The following PDE4B variants were observed in gnomAD, a reference collection of about 807,000 sequenced individuals.
PDE4B encodes the protein phosphodiesterase 4B.
In PDE4B, 20 loss-of-function variants were observed where a neutral mutation model predicts 82.2. That is an observed-to-expected ratio of 0.24 (90% confidence interval 0.17 to 0.35). The LOEUF is 0.35. Ranked by LOEUF, PDE4B falls within the 10% of genes least tolerant of loss-of-function variation. PDE4B has a pLI of 1.00. For synonymous variants in PDE4B, 320 were observed against 318.9 expected, an observed-to-expected ratio of 1.00 and a Z score of -0.04; for missense variants, 655 against 907.2, an observed-to-expected ratio of 0.72 and a Z score of 3.57.
At chr1:65,975,666 C>A (rs1650366632) in intron 3 of PDE4B, among the ~76,000 whole-genome samples, 1 of 152,156 alleles carries the variant, frequency 6.6e-6, no homozygotes, top group Non-Finnish European at 1.5e-5. Flanking sequence ...CTGTTGCTGT[C>A]TGTAGCCTTG....
chr1:66,222,703 A>C (rs1340835523), intron 3 of PDE4B, among the ~76,000 whole-genome samples: 1 of 152,216 alleles, frequency 6.6e-6, no homozygotes, highest in Non-Finnish European at 1.5e-5. Flanking sequence ...TAATATTATA[A>C]AACCTATCTT....
chr1:66,087,892 T>G (rs1644919153), intron 3 of PDE4B, among the ~76,000 whole-genome samples: 1 of 135,544 alleles, frequency 7.4e-6, no homozygotes, highest in Admixed American at 7.3e-5. Flanking sequence ...GGGGGAGGGA[T>G]AGCATTGGGA....
intron 1 of PDE4B, among the ~76,000 whole-genome samples, chr1:65,811,273 T>C (rs1355708307): frequency 6.6e-6 from 1 of 152,234 alleles, no homozygotes; most frequent in South Asian, 2.1e-4. Flanking sequence ...AGGGCTCAAA[T>C]TGAAGGCTTA....
intron 3 of PDE4B, among the ~76,000 whole-genome samples, chr1:66,202,866 A>T (rs1422384822): frequency 6.6e-6 from 1 of 151,608 alleles, no homozygotes; most frequent in Non-Finnish European, 1.5e-5. Context: ...TAATATTGTT[A>T]TGTGTGAATT....
At position 66,361,795 on chromosome 1, in the gene PDE4B, T is replaced by G; in HGVS notation, c.1020+2T>G. 6.2e-7 allele frequency: 1 copy of G among 1,609,956 alleles called. No homozygotes were observed. Among genetic ancestry groups the G allele is most frequent in the Non-Finnish European group, 8.5e-7 (1 of 1,177,512 alleles). On this transcript the variant is annotated splice_donor_variant, in intron 10 of 16. Transcript: ENST00000341517. LOFTEE classifies it high-confidence loss of function. ...GAAAATGAAGATCACCTGGCCAAGG[T>G]GTGTATAAGCTCAGGTTTTGTGCAT...
intron 3 of PDE4B, among the ~76,000 whole-genome samples, chr1:66,235,574 C>G (rs1652343758): frequency 6.6e-6 from 1 of 151,676 alleles, no homozygotes; most frequent in African/African-American, 2.4e-5. Context: ...TCCTTTTAAC[C>G]TATTTGTGTC....
At chr1:66,069,985 A>C (rs1177163361) in intron 3 of PDE4B, among the ~76,000 whole-genome samples, 1 of 152,022 alleles carries the variant, frequency 6.6e-6, no homozygotes, top group African/African-American at 2.4e-5. Context: ...AAGTGTGTGC[A>C]TGTGCATGTG....
chr1:66,000,464 C>A (rs746424111), intron 3 of PDE4B, among the ~76,000 whole-genome samples: 1 of 152,172 alleles, frequency 6.6e-6, no homozygotes, highest in Non-Finnish European at 1.5e-5. Flanking sequence ...AACCCTTGTA[C>A]TCTAGAAAAG....
chr1:65,907,592 T>A (rs1463158138), intron 1 of PDE4B, among the ~76,000 whole-genome samples: 4 of 152,120 alleles, frequency 2.6e-5, no homozygotes, highest in Non-Finnish European at 4.4e-5. Flanking sequence ...GAAAACCTTC[T>A]TTTTCTTGAA....
At chr1:65,820,478 C>T (rs1294562622) in intron 1 of PDE4B, among the ~76,000 whole-genome samples, 1 of 152,128 alleles carries the variant, frequency 6.6e-6, no homozygotes, top group African/African-American at 2.4e-5. Context: ...ATTAGATTGT[C>T]TGTGGTCAGA....
intron 3 of PDE4B, among the ~76,000 whole-genome samples, chr1:66,134,820 T>A (rs1437605941): frequency 6.6e-6 from 1 of 152,234 alleles, no homozygotes; most frequent in East Asian, 1.9e-4. Context: ...TTGTTTGGTC[T>A]AGGCTTTAGA....
intron 3 of PDE4B, among the ~76,000 whole-genome samples, chr1:66,152,710 G>T (rs1646428232): frequency 6.6e-6 from 1 of 151,286 alleles, no homozygotes; most frequent in African/African-American, 2.4e-5. Flanking sequence ...ATAGTTGTGG[G>T]ATCTGGCAAG....
At chr1:66,221,159 C>A (rs1440452500) in intron 3 of PDE4B, among the ~76,000 whole-genome samples, 15 of 152,144 alleles carry the variant, frequency 9.9e-5, no homozygotes, top group African/African-American at 3.6e-4. Flanking sequence ...AAAGCAGGAC[C>A]CTTCAGAGAG....
intron 3 of PDE4B, among the ~76,000 whole-genome samples, chr1:66,093,934 T>G (rs1645070318): frequency 6.6e-6 from 1 of 152,060 alleles, no homozygotes; most frequent in Non-Finnish European, 1.5e-5. Flanking sequence ...ATTCAATCAA[T>G]TTTTTATTGA....
intron 3 of PDE4B, among the ~76,000 whole-genome samples, chr1:66,079,084 T>G (rs956888600): frequency 6.6e-6 from 1 of 152,064 alleles, no homozygotes; most frequent in Non-Finnish European, 1.5e-5. Flanking sequence ...ATATTGATTC[T>G]CTTAAAACAG....
At chr1:66,280,861 A>G (rs1656249791) in intron 7 of PDE4B, among the ~76,000 whole-genome samples, 1 of 152,146 alleles carries the variant, frequency 6.6e-6, no homozygotes, top group Admixed American at 6.5e-5. Flanking sequence ...TTTAGAATCT[A>G]GAGAAAATAG....
chr1:66,235,765 C>T (rs551185240), intron 3 of PDE4B, among the ~76,000 whole-genome samples: 18 of 151,854 alleles, frequency 1.2e-4, no homozygotes, highest in African/African-American at 4.3e-4. Flanking sequence ...CTTATCCATT[C>T]TGTTGAAAAA....
intron 1 of PDE4B, among the ~76,000 whole-genome samples, chr1:65,847,146 A>T (rs1646276530): frequency 6.6e-6 from 1 of 152,214 alleles, no homozygotes; most frequent in South Asian, 2.1e-4. Flanking sequence ...TTGTCATGAC[A>T]ACAAAATAAC....
At chr1:66,060,422 T>C (rs1655524046) in intron 3 of PDE4B, among the ~76,000 whole-genome samples, 1 of 152,242 alleles carries the variant, frequency 6.6e-6, no homozygotes, top group African/African-American at 2.4e-5. Context: ...GCACTCTTTA[T>C]GTGCTTTCCA....
Sources: allele counts gnomAD v4.1 joint callset (sites outside exome capture counted in the v4.1 genomes callset), GRCh38; gene constraint gnomAD v4.1.1; transcripts MANE v1.5; gene names NCBI Gene and HGNC (gene_info 2026-07-23, HGNC 2026-07-21).